Variants in CDKL4 observed in about 807,000 individuals in gnomAD.
CDKL4 encodes the protein cyclin dependent kinase like 4, also known as cyclin-dependent kinase-like 4.
A neutral mutation model predicts 42.0 loss-of-function variants in CDKL4; 44 were observed. That is an observed-to-expected ratio of 1.05 (90% CI 0.82 to 1.35). The LOEUF is 1.35. Among genes scored for constraint, CDKL4 ranks in the 40% most tolerant of loss-of-function variants. CDKL4 has a pLI of 0.00. For synonymous variants in CDKL4, 120 were observed against 121.6 expected, an observed-to-expected ratio of 0.99 and a Z score of 0.09; for missense variants, 393 against 369.9, an observed-to-expected ratio of 1.06 and a Z score of -0.51.
At chr2:39,192,970 AT>A (rs1676277113) in intron 5 of CDKL4, among the ~76,000 whole-genome samples, 1 of 151,798 alleles carries the variant, frequency 6.6e-6, no homozygotes, top group Non-Finnish European at 1.5e-5. Flanking sequence ...TACAAAAAAA[AT>A]AAAAAAATCA....
chr2:39,188,716 G>A (rs980128689), intron 6 of CDKL4, among the ~76,000 whole-genome samples: 1 of 151,684 alleles, frequency 6.6e-6, no homozygotes, highest in Non-Finnish European at 1.5e-5. Context: ...TTCAGACAGG[G>A]TCTCTCTCTG....
intron 5 of CDKL4, among the ~76,000 whole-genome samples, chr2:39,191,175 G>T (rs1434327822): frequency 6.6e-6 from 1 of 152,182 alleles, no homozygotes. Flanking sequence ...AAGGCAAGCA[G>T]ATCATTAGAG....
At chr2:39,174,667 G>A (rs561540894), downstream of CDKL4, among the ~76,000 whole-genome samples, 221 of 152,270 alleles carry the variant, frequency 1.5e-3, 2 homozygotes, top group African/African-American at 4.7e-3. Context: ...TGCCAGACAC[G>A]GGAGCGGAAA....
downstream of CDKL4, among the ~76,000 whole-genome samples, chr2:39,174,959 T>C (rs1675106621): frequency 6.6e-6 from 1 of 152,142 alleles, no homozygotes; most frequent in African/African-American, 2.4e-5. Context: ...AATATATATA[T>C]GTATATACGT....
chr2:39,235,572 C>T (rs1679326451), intron 1 of CDKL4, among the ~76,000 whole-genome samples: 1 of 152,096 alleles, frequency 6.6e-6, no homozygotes, highest in Non-Finnish European at 1.5e-5. Flanking sequence ...CAGTGAGACC[C>T]TATCTCTACA....
intron 2 of CDKL4, among the ~76,000 whole-genome samples, chr2:39,226,603 G>A (rs1467676052): frequency 6.6e-6 from 1 of 150,960 alleles, no homozygotes; most frequent in African/African-American, 2.4e-5. Flanking sequence ...GTTTAATATC[G>A]CAAACCCAAG....
chr2:39,230,026 C>T (rs895241751), intron 1 of CDKL4, among the ~76,000 whole-genome samples: 3 of 152,218 alleles, frequency 2.0e-5, no homozygotes, highest in African/African-American at 7.2e-5. Flanking sequence ...ACAAAAAGTG[C>T]TATACTTCCA....
rs150847801 is a variant in CDKL4, at chr2:39,236,927, A to G, written c.-57+6944T>C. On this transcript the variant is annotated intron_variant, in intron 1 of 9. Coordinates refer to ENST00000451199, the Ensembl canonical transcript of CDKL4. Reference sequence around the variant, plus strand: ...TGCCCACAAGGAAAGGCCCAGGATCAGATAGCATCACAGGTAAATACTACC... The same window carrying G: ...TGCCCACAAGGAAAGGCCCAGGATCGGATAGCATCACAGGTAAATACTACC... 2.3e-3 allele frequency among the ~76,000 whole-genome samples: 353 copies of G among 152,358 alleles called. 2 individuals are homozygous for G. The highest frequency in any genetic ancestry group is 7.8e-3 in the African/African-American group (323 of 41,586).
intron 5 of CDKL4, among the ~76,000 whole-genome samples, chr2:39,195,892 T>C (rs1441773876): frequency 6.6e-6 from 1 of 152,218 alleles, no homozygotes; most frequent in African/African-American, 2.4e-5. Flanking sequence ...CTTGCAGCTA[T>C]GACTCAGACG....
exon 10 of CDKL4, chr2:39,175,789 T>A (rs186629715): frequency 3.3e-6 from 1 of 299,328 alleles, no homozygotes; most frequent in East Asian, 8.5e-5. Context: ...GTTTTAGGCT[T>A]TATAACATTT....
intron 5 of CDKL4, among the ~76,000 whole-genome samples, chr2:39,199,898 G>C (rs76697274): frequency 6.6e-6 from 1 of 152,114 alleles, no homozygotes; most frequent in Non-Finnish European, 1.5e-5. Flanking sequence ...ATAGGGAAAA[G>C]TTGAAAGCAT....
intron 4 of CDKL4, 78 bp downstream of exon 4, chr2:39,213,322 C>A: frequency 1.0e-6 from 1 of 999,718 alleles, no homozygotes; most frequent in Admixed American, 2.1e-5. Flanking sequence ...TTCAGCTCTC[C>A]AAACAAAACC....
chr2:39,221,634 G>A (rs1027133095), intron 3 of CDKL4, among the ~76,000 whole-genome samples: 1 of 152,318 alleles, frequency 6.6e-6, no homozygotes, highest in Non-Finnish European at 1.5e-5. Flanking sequence ...CTGACGCAAC[G>A]CACTACTGAA....
At chr2:39,183,081 A>C (rs949248207) in intron 8 of CDKL4, among the ~76,000 whole-genome samples, 1 of 152,178 alleles carries the variant, frequency 6.6e-6, no homozygotes, top group Admixed American at 6.5e-5. Context: ...GGAGATGGAG[A>C]CCATCCTGGC....
intron 1 of CDKL4, among the ~76,000 whole-genome samples, chr2:39,240,714 C>T (rs1679620595): frequency 1.3e-5 from 2 of 150,146 alleles, no homozygotes; most frequent in African/African-American, 4.9e-5. Context: ...AACCACATGC[C>T]CCAAAACATA....
intron 6 of CDKL4, among the ~76,000 whole-genome samples, 179 bp from the exon 7 acceptor site, chr2:39,187,888 C>T (rs111365830): frequency 0.022 from 3,326 of 151,824 alleles, 44 homozygotes; most frequent in South Asian, 0.027. Context: ...GTCAACATGG[C>T]GAAACCCCGT....
At chr2:39,237,426 T>C (rs954616126) in intron 1 of CDKL4, among the ~76,000 whole-genome samples, 5 of 152,350 alleles carry the variant, frequency 3.3e-5, no homozygotes, top group East Asian at 1.9e-4. Flanking sequence ...TCATGCTTAA[T>C]GATGAAAGAT....
chr2:39,202,507 T>C (rs1676919559), intron 5 of CDKL4, among the ~76,000 whole-genome samples: 1 of 152,228 alleles, frequency 6.6e-6, no homozygotes, highest in East Asian at 1.9e-4. Flanking sequence ...TATAGTGTCC[T>C]TTGATGCACA....
rs6731369 is a variant in CDKL4, at chr2:39,213,411, G to A, written c.352C>T (p.His118Tyr). The change falls in exon 4 of 10, where the codon CAT becomes TAT. Residue 118 changes from histidine (H) to tyrosine (Y), a missense_variant. Transcript: ENST00000451199. ...AAAATGTTACTTACGTTATGTATAT[G>A]ACAGAAATTAAGAGCTTGAAGTGTT... is the stretch of plus-strand genomic sequence containing the variant. 2.0e-4 allele frequency: 313 copies of A among 1,592,200 alleles called. No homozygotes were observed. The African/African-American group carries it at 4.0e-3, about 20-fold the overall frequency.
Sources: gnomAD v4.1 joint callset for allele counts (sites outside exome capture counted in the v4.1 genomes callset) on GRCh38, gnomAD v4.1.1 for gene constraint, MANE v1.5 for transcripts, NCBI Gene and HGNC (gene_info 2026-07-23, HGNC 2026-07-21) for gene names.